RTF1: variants seen among roughly 807,000 people sequenced by gnomAD.
RTF1 encodes the protein RNA polymerase-associated protein RTF1 homolog.
A neutral mutation model predicts 95.7 loss-of-function variants in RTF1; 10 were observed. The ratio of observed to expected loss-of-function variants is 0.10; its 90% CI spans 0.06 to 0.18. The LOEUF is 0.18. Ranked by LOEUF, RTF1 falls within the 10% of genes least tolerant of loss-of-function variation. The probability of loss-of-function intolerance (pLI) is 1.00; values close to 1 mark genes in which losing one functional copy is unlikely to be tolerated. For synonymous variants in RTF1, 305 were observed against 311.8 expected (o/e 0.98, Z 0.23); for missense variants, 458 against 875.6 (o/e 0.52, Z 6.02).
chr15:41,433,475 C>G (rs967991930), intron 1 of RTF1, among the ~76,000 whole-genome samples: 1 of 152,014 alleles, frequency 6.6e-6, no homozygotes, highest in Admixed American at 6.6e-5. Context: ...GCTAGGACTA[C>G]AGGCGTGCGC....
chr15:41,464,625 T>C, intron 4 of RTF1, 146 bp from the exon 5 acceptor site: 1 of 484,368 alleles, frequency 2.1e-6, no homozygotes. Context: ...ATATTTTTAA[T>C]GTACTTAAAA....
At chr15:41,478,797 G>A (rs748126377) in intron 15 of RTF1, 172 bp downstream of exon 15, 26 of 633,834 alleles carry the variant, frequency 4.1e-5, no homozygotes, top group Middle Eastern at 3.9e-4. Flanking sequence ...AGGACATATC[G>A]GTAGTGAAAA....
intron 1 of RTF1, among the ~76,000 whole-genome samples, chr15:41,426,785 G>A (rs1186804272): frequency 2.1e-4 from 21 of 98,226 alleles, no homozygotes; most frequent in African/African-American, 7.8e-4. Flanking sequence ...ATATATATGT[G>A]TGTGTGTGTG....
chr15:41,420,508 G>T (rs558499415), intron 1 of RTF1, among the ~76,000 whole-genome samples: 1 of 152,216 alleles, frequency 6.6e-6, no homozygotes, highest in Non-Finnish European at 1.5e-5. Flanking sequence ...CTGGTTCTGA[G>T]TCTTCACTGG....
chr15:41,433,428 A>G (rs1392889667), intron 1 of RTF1, among the ~76,000 whole-genome samples: 1 of 151,964 alleles, frequency 6.6e-6, no homozygotes, highest in Non-Finnish European at 1.5e-5. Flanking sequence ...CCCACCTCCC[A>G]GACTCAAGTG....
intron 1 of RTF1, among the ~76,000 whole-genome samples, chr15:41,436,049 G>C (rs542250393): frequency 6.6e-6 from 1 of 152,060 alleles, no homozygotes; most frequent in Non-Finnish European, 1.5e-5. Context: ...GTTCACACCT[G>C]TAATCCCAGC....
Position 41,480,575 on chromosome 15 carries a change from C to T in RTF1, c.2027-6C>T, listed in dbSNP as rs2050967198. On this transcript the variant is annotated splice_polypyrimidine_tract_variant and splice_region_variant and intron_variant, in intron 17 of 17. Transcript: ENST00000389629. ...TCAGCTGCCAACTTGCTCTTCTTTCCCACAGAGTCAAAGGCTTTAGCCATC... is the reference window on the plus strand; with the variant it reads ...TCAGCTGCCAACTTGCTCTTCTTTCTCACAGAGTCAAAGGCTTTAGCCATC... 6.2e-7 allele frequency: 1 copy of T among 1,609,314 alleles called. No individual in the cohort carries two copies. Among genetic ancestry groups the T allele is most frequent in the Non-Finnish European group, 8.5e-7 (1 of 1,175,808 alleles).
At position 41,444,962 on chromosome 15, in the gene RTF1, C is replaced by T. The variant is rs549242274; in HGVS notation, c.309+6531C>T. ...TATTTATTTTTTTGAGACGGAGTCT[C>T]GGTCTGTCGCCCAGGCTGGAGTGCA... On this transcript the variant is annotated intron_variant, in intron 2 of 17. Transcript: ENST00000389629. Among the ~76,000 whole-genome samples, 18 of 152,018 alleles carry T rather than the reference C, an allele frequency of 1.2e-4. No individual in the cohort carries two copies. In the East Asian group the frequency reaches 1.4e-3, roughly 11 times the overall value.
At chr15:41,461,874 G>T (rs2050850657) in intron 4 of RTF1, among the ~76,000 whole-genome samples, 1 of 151,744 alleles carries the variant, frequency 6.6e-6, no homozygotes. Flanking sequence ...CAAAGTGCTG[G>T]GATTACAGGC....
intron 4 of RTF1, among the ~76,000 whole-genome samples, chr15:41,461,920 CT>C (rs1225221132): frequency 2.2e-3 from 295 of 134,202 alleles, no homozygotes; most frequent in Admixed American, 3.2e-3. Flanking sequence ...ATTTTTTTTT[CT>C]TTTTTTTTTT....
At position 41,480,572 on chromosome 15, in the gene RTF1, T is replaced by C; in HGVS notation, c.2027-9T>C. 1 of 1,606,720 alleles carries C rather than the reference T, an allele frequency of 6.2e-7. No homozygotes were observed. Among genetic ancestry groups the C allele is most frequent in the Non-Finnish European group, 8.5e-7 (1 of 1,173,342 alleles). ...ACCTCAGCTGCCAACTTGCTCTTCT[T>C]TCCCACAGAGTCAAAGGCTTTAGCC... On this transcript the variant is annotated splice_polypyrimidine_tract_variant and intron_variant, in intron 17 of 17. Transcript: ENST00000389629.
At chr15:41,441,340 T>G (rs999884638) in intron 2 of RTF1, among the ~76,000 whole-genome samples, 2 of 152,170 alleles carry the variant, frequency 1.3e-5, no homozygotes, top group African/African-American at 4.8e-5. Context: ...GGTCCACCCT[T>G]GCCACTCAGT....
chr15:41,441,812 CTCAG>C (rs902140401), intron 2 of RTF1, among the ~76,000 whole-genome samples: 15 of 152,152 alleles, frequency 9.9e-5, no homozygotes, highest in African/African-American at 3.6e-4. Context: ...ACTCCAGGCC[CTCAG>C]GCTTATTGTA....
chr15:41,471,581 C>T (rs974482789), intron 8 of RTF1, among the ~76,000 whole-genome samples: 1 of 152,178 alleles, frequency 6.6e-6, no homozygotes, highest in African/African-American at 2.4e-5. Context: ...GAATAATTTT[C>T]TCTATTCTCC....
intron 9 of RTF1, among the ~76,000 whole-genome samples, chr15:41,475,065 C>T (rs974446077): frequency 6.6e-6 from 1 of 152,172 alleles, no homozygotes; most frequent in Non-Finnish European, 1.5e-5. Flanking sequence ...TTTTTATGGA[C>T]TTCATTTCCT....
chr15:41,478,956 T>G, intron 15 of RTF1, 147 bp from the exon 16 acceptor site: 1 of 615,374 alleles, frequency 1.6e-6, no homozygotes, highest in Non-Finnish European at 2.8e-6. Flanking sequence ...TTTTTTTTTT[T>G]TTTTTGCTGC....
At chr15:41,470,124 C>T in intron 6 of RTF1, 133 bp from the exon 7 acceptor site, 2 of 903,722 alleles carry the variant, frequency 2.2e-6, no homozygotes, top group Admixed American at 4.6e-5. Flanking sequence ...GTATATACCC[C>T]AAGTTAGCAC....
chr15:41,430,997 G>A (rs1316096956), intron 1 of RTF1, among the ~76,000 whole-genome samples: 1 of 151,752 alleles, frequency 6.6e-6, no homozygotes, highest in Non-Finnish European at 1.5e-5. Context: ...CCACCTCCTA[G>A]GTTCAAGCGA....
intron 2 of RTF1, 147 bp from the exon 3 acceptor site, chr15:41,452,754 C>A: frequency 3.0e-6 from 2 of 672,188 alleles, no homozygotes; most frequent in South Asian, 3.3e-5. Context: ...TTTTTTTTTT[C>A]AAAAATCTGT....
Sources: gnomAD v4.1 joint callset for allele counts (sites outside exome capture counted in the v4.1 genomes callset) on GRCh38, gnomAD v4.1.1 for gene constraint, MANE v1.5 for transcripts, NCBI Gene and HGNC (gene_info 2026-07-23, HGNC 2026-07-21) for gene names.